PDE10A: variants seen among roughly 807,000 people sequenced by gnomAD.
PDE10A encodes cAMP and cAMP-inhibited cGMP 3',5'-cyclic phosphodiesterase 10A.
Under a neutral mutation model 97.7 loss-of-function variants are expected in PDE10A, and 39 were observed. The observed-to-expected ratio is 0.40, with a 90% CI of 0.31 to 0.52. PDE10A has a LOEUF of 0.52. Ranked by LOEUF, PDE10A falls within the 20% of genes least tolerant of loss-of-function variation. The pLI is 0.56. For synonymous variants in PDE10A, 371 were observed against 376.8 expected, an observed-to-expected ratio of 0.98 and a Z score of 0.18; for missense variants, 731 against 1,047.8, an observed-to-expected ratio of 0.70 and a Z score of 4.17.
intron 13 of PDE10A, among the ~76,000 whole-genome samples, chr6:165,413,141 G>T (rs903263252): frequency 6.6e-6 from 1 of 151,900 alleles, no homozygotes; most frequent in African/African-American, 2.4e-5. Context: ...TTTGTGTAAG[G>T]ATCTCAAATG....
At chr6:165,419,487 T>C (rs527261761) in intron 10 of PDE10A, among the ~76,000 whole-genome samples, 2 of 152,300 alleles carry the variant, frequency 1.3e-5, no homozygotes, top group African/African-American at 4.8e-5. Context: ...ACTTGCCCCA[T>C]TATTACATGA....
At chr6:165,775,152 C>A (rs1490239609) in intron 1 of PDE10A, 2 of 152,108 alleles carry the variant, frequency 1.3e-5, no homozygotes, top group Non-Finnish European at 2.9e-5. Flanking sequence ...CATGGGGAAA[C>A]TTGTTTTCTA....
At chr6:165,858,550 T>C (rs1318757891) in intron 1 of PDE10A, among the ~76,000 whole-genome samples, 2 of 152,170 alleles carry the variant, frequency 1.3e-5, no homozygotes, top group South Asian at 2.1e-4. Context: ...CTCTTCCCCA[T>C]CTCTCAGGAT....
chr6:165,689,076 G>C (rs1420865563), intron 1 of PDE10A, among the ~76,000 whole-genome samples: 1 of 152,194 alleles, frequency 6.6e-6, no homozygotes, highest in African/African-American at 2.4e-5. Context: ...AATTCATGTA[G>C]AATTAACCTT....
intron 1 of PDE10A, among the ~76,000 whole-genome samples, chr6:165,858,535 C>T (rs1400427652): frequency 6.6e-6 from 1 of 152,220 alleles, no homozygotes; most frequent in Non-Finnish European, 1.5e-5. Flanking sequence ...GTGAGTGCTC[C>T]ATCCCTCTTC....
chr6:165,689,072 T>G (rs1791201017), intron 1 of PDE10A, among the ~76,000 whole-genome samples: 1 of 152,248 alleles, frequency 6.6e-6, no homozygotes. Context: ...ATGGAATTCA[T>G]GTAGAATTAA....
intron 1 of PDE10A, among the ~76,000 whole-genome samples, chr6:165,654,775 C>G (rs1232708068): frequency 2.0e-5 from 3 of 152,182 alleles, no homozygotes. Context: ...AATCTCCCGA[C>G]CGAGGCCACG....
At chr6:165,527,364 C>T (rs1052055928) in intron 2 of PDE10A, among the ~76,000 whole-genome samples, 2 of 152,176 alleles carry the variant, frequency 1.3e-5, no homozygotes, top group Admixed American at 6.5e-5. Flanking sequence ...AGCTGCTCTG[C>T]CACTTGGACT....
chr6:165,519,605 C>T (rs1187241132), intron 2 of PDE10A, among the ~76,000 whole-genome samples: 3 of 152,112 alleles, frequency 2.0e-5, no homozygotes, highest in Non-Finnish European at 4.4e-5. Context: ...TAACTATTTG[C>T]CTTGCCTTGC....
At chr6:165,348,214 T>G (rs1363491489) in intron 18 of PDE10A, among the ~76,000 whole-genome samples, 2 of 152,202 alleles carry the variant, frequency 1.3e-5, no homozygotes, top group Admixed American at 1.3e-4. Context: ...ATGAAATTAG[T>G]TTATCTTTAC....
chr6:165,876,771 G>C (rs1369423301), intron 1 of PDE10A, among the ~76,000 whole-genome samples: 2 of 152,196 alleles, frequency 1.3e-5, no homozygotes, highest in Non-Finnish European at 2.9e-5. Flanking sequence ...ATCCCAGTGA[G>C]AATTGTTTGG....
At chr6:165,738,631 A>C (rs962888301) in intron 1 of PDE10A, among the ~76,000 whole-genome samples, 5 of 151,800 alleles carry the variant, frequency 3.3e-5, no homozygotes, top group African/African-American at 1.2e-4. Context: ...TCCCACTAAC[A>C]GTGTAAAAGT....
At chr6:165,643,250 G>A (rs1789229434) in intron 1 of PDE10A, among the ~76,000 whole-genome samples, 1 of 104,622 alleles carries the variant, frequency 9.6e-6, no homozygotes, top group African/African-American at 4.6e-5. Context: ...TGGGTGGATG[G>A]ATGGATGGAT....
intron 17 of PDE10A, among the ~76,000 whole-genome samples, chr6:165,385,973 CATTATT>C (rs1336325991): frequency 6.6e-6 from 1 of 152,140 alleles, no homozygotes; most frequent in Non-Finnish European, 1.5e-5. Context: ...ACAAATTTGT[CATTATT>C]ATTAATTCAC....
intron 1 of PDE10A, among the ~76,000 whole-genome samples, chr6:165,884,281 A>C (rs1464955261): frequency 6.6e-6 from 1 of 152,218 alleles, no homozygotes; most frequent in African/African-American, 2.4e-5. Flanking sequence ...CATTTTAAAA[A>C]CGGTGTTCCT....
chr6:165,919,083 A>G (rs575170840), intron 1 of PDE10A, among the ~76,000 whole-genome samples: 20 of 152,326 alleles, frequency 1.3e-4, no homozygotes, highest in Non-Finnish European at 2.4e-4. Flanking sequence ...TGAATCTTCC[A>G]CACTTACCCA....
chr6:165,437,611 T>C lies in PDE10A; in HGVS notation c.1195-2234A>G, dbSNP rs545701569. 2.6e-5 allele frequency among the ~76,000 whole-genome samples: 4 copies of C among 152,350 alleles called. No homozygotes were observed. In the East Asian group the frequency reaches 7.7e-4, roughly 29 times the overall value. On this transcript the variant is annotated intron_variant, in intron 5 of 21. Transcript: ENST00000539869. ...GGAAACTTTATACTTATTTTCCTAA[T>C]TAGCTCATGATTTTTGTTCACATTA...
At chr6:165,705,625 G>A (rs1336006886) in intron 1 of PDE10A, among the ~76,000 whole-genome samples, 1 of 152,090 alleles carries the variant, frequency 6.6e-6, no homozygotes, top group Non-Finnish European at 1.5e-5. Context: ...AATAAATCAA[G>A]CTTCAGCTGG....
rs141784183 is a variant in PDE10A, at chr6:165,538,365, G to A, written c.994+5075C>T. Among the ~76,000 whole-genome samples, 5 of 152,124 alleles carry A rather than the reference G, an allele frequency of 3.3e-5. No individual in the cohort carries two copies. The East Asian group carries it at 7.7e-4, about 24-fold the overall frequency. On this transcript the variant is annotated intron_variant, in intron 2 of 21. Coordinates refer to ENST00000539869, the MANE Select transcript of PDE10A (RefSeq NM_001385079.1). ...AATGATAGTGATACGGTCGGCTATT[G>A]AATATTTTAGACACGATCATAGAAA...
Sources: gnomAD v4.1 joint callset for allele counts (sites outside exome capture counted in the v4.1 genomes callset) on GRCh38, gnomAD v4.1.1 for gene constraint, MANE v1.5 for transcripts, NCBI Gene and HGNC (gene_info 2026-07-23, HGNC 2026-07-21) for gene names.